The following ZNF799 variants were observed in gnomAD, a reference collection of about 807,000 sequenced individuals.
The protein encoded by ZNF799 is zinc finger protein 14.
ZNF799 carries 28 observed loss-of-function variants against 41.0 expected under a neutral mutation model. That is an observed-to-expected ratio of 0.68 (90% confidence interval 0.51 to 0.94). ZNF799 has a LOEUF of 0.94. Among genes scored for constraint, ZNF799 ranks in the 40% least tolerant of loss-of-function variants. ZNF799 has a pLI of 0.00. For missense variants in ZNF799, 716 were observed against 764.3 expected (o/e 0.94, Z 0.74); for synonymous variants, 213 against 252.9 (o/e 0.84, Z 1.50).
At chr19:12,398,988 T>C (rs1969940310) in intron 1 of ZNF799, among the ~76,000 whole-genome samples, 1 of 152,258 alleles carries the variant, frequency 6.6e-6, no homozygotes, top group Non-Finnish European at 1.5e-5. Flanking sequence ...GAATTACTTA[T>C]ACAATTTATT....
intron 1 of ZNF799, among the ~76,000 whole-genome samples, chr19:12,395,478 G>A (rs1969881621): frequency 6.6e-6 from 1 of 152,156 alleles, no homozygotes; most frequent in East Asian, 1.9e-4. Flanking sequence ...AATACAACAC[G>A]ATCAGGGTCC....
rs1318561758 is a variant in ZNF799, at chr19:12,392,005, A to C, written c.393T>G (p.Tyr131Ter). 4 of 1,614,192 alleles carry C rather than the reference A, an allele frequency of 2.5e-6. No individual in the cohort carries two copies. The South Asian group carries it at 4.4e-5, about 18-fold the overall frequency. ...YIRVGAGHKP[Y>*]EYHECGEKPD... The stretch of plus-strand genomic sequence containing the variant: ...GCTTCTCTCCACATTCATGATACTC[A>C]TATGGTTTGTGCCCAGCACCAACTC... Residue 131 changes from tyrosine to a stop codon, truncating the protein, a stop_gained, in exon 4 of 4, where the codon TAT becomes TAG. Transcript: ENST00000430385. LOFTEE classifies it low-confidence loss of function (END_TRUNC).
In ZNF799 at chr19:12,391,566, T is replaced by C. The variant is rs751268288; in HGVS notation, c.832A>G (p.Lys278Glu). The C allele has an allele frequency of 1.3e-5, 21 of 1,614,024 alleles. No homozygotes were observed. Among genetic ancestry groups the C allele is most frequent in the East Asian group, 6.7e-5 (3 of 44,868 alleles). Residue 278 changes from lysine (K) to glutamate (E), a missense_variant, in exon 4 of 4, where the codon AAG (lysine) becomes GAG (glutamate). By Grantham distance (56) the Lys-to-Glu change is moderately conservative. This residue lies in a region of ZNF799 where 698 missense variants were observed against 713.6 expected (regional missense o/e 0.98). Coordinates refer to ENST00000430385, the MANE Select transcript of ZNF799 (RefSeq NM_001080821.3). ...CATTGTTTACATGTATAGGGTTTCTTTCCAGTGTGAGTTCTTTCATGTCTT... is the reference window on the plus strand; with the variant it reads ...CATTGTTTACATGTATAGGGTTTCTCTCCAGTGTGAGTTCTTTCATGTCTT... ...CLRHERTHTG[K>E]KPYTCKQCGK...
upstream of ZNF799, among the ~76,000 whole-genome samples, chr19:12,404,705 G>C (rs1970018032): frequency 6.6e-6 from 1 of 152,260 alleles, no homozygotes; most frequent in Admixed American, 6.5e-5. Context: ...CTGAAACAAG[G>C]CTCTCTGTTC....
At chr19:12,405,684 T>G (rs1970024678), upstream of ZNF799, among the ~76,000 whole-genome samples, 1 of 152,214 alleles carries the variant, frequency 6.6e-6, no homozygotes. Flanking sequence ...CTACAGTCTC[T>G]GCAAACACAG....
chr19:12,414,534 G>C, the ZNF799 span, among the ~76,000 whole-genome samples: 9 of 152,184 alleles, frequency 5.9e-5, no homozygotes, highest in Non-Finnish European at 1.3e-4. Flanking sequence ...GGGAAGGCCT[G>C]ATATCCTCCA....
At chr19:12,413,161 C>G in the ZNF799 span, among the ~76,000 whole-genome samples, 1 of 151,868 alleles carries the variant, frequency 6.6e-6, no homozygotes, top group African/African-American at 2.4e-5. Flanking sequence ...CAAAAAGGAT[C>G]CTGATTCGTT....
At chr19:12,394,883 C>A (rs956929336) in intron 1 of ZNF799, 123 of 983,802 alleles carry the variant, frequency 1.3e-4, no homozygotes, top group Non-Finnish European at 1.4e-4. Flanking sequence ...TATTTGGCAC[C>A]CCGTACTATT....
At position 12,400,865 on chromosome 19, in the gene ZNF799, C is replaced by G. The variant is rs1479619669; in HGVS notation, c.3+203G>C. Reference sequence around the variant, plus strand: ...GAGAGGGCGCCGGGGCCGCAGTCGCCGCGCAGGAACGGGACAGGACGCCCG... The same window carrying G: ...GAGAGGGCGCCGGGGCCGCAGTCGCGGCGCAGGAACGGGACAGGACGCCCG... On this transcript the variant is annotated intron_variant, in intron 1 of 3. Coordinates refer to ENST00000430385, the MANE Select transcript of ZNF799 (RefSeq NM_001080821.3). The G allele has an allele frequency of 3.5e-6, 3 of 859,902 alleles. No homozygotes were observed. The African/African-American group carries it at 5.2e-5, about 15-fold the overall frequency. 53.3% of individuals were successfully genotyped at this position (859,902 alleles called of 1,614,324 possible). A position where few individuals can be genotyped will look rare whatever the true frequency, so the allele number is the denominator to read the frequency against.
upstream of ZNF799, among the ~76,000 whole-genome samples, chr19:12,402,887 A>G (rs564000427): frequency 7.6e-4 from 115 of 152,230 alleles, no homozygotes; most frequent in Non-Finnish European, 1.3e-3. Flanking sequence ...ACACTGGCCT[A>G]TAGTTTTCTT....
At chr19:12,402,453 G>T, upstream of ZNF799, among the ~76,000 whole-genome samples, 1 of 140,370 alleles carries the variant, frequency 7.1e-6, no homozygotes, top group African/African-American at 2.7e-5. Flanking sequence ...GCTCTAGCTG[G>T]GACTTCGAGT....
upstream of ZNF799, among the ~76,000 whole-genome samples, chr19:12,404,202 G>A (rs1013959777): frequency 4.6e-5 from 7 of 151,960 alleles, no homozygotes; most frequent in African/African-American, 7.3e-5. Context: ...GCATGTGCTC[G>A]GGAAAAATAT....
At chr19:12,408,027 C>A in the ZNF799 span, among the ~76,000 whole-genome samples, 22 of 152,000 alleles carry the variant, frequency 1.4e-4, no homozygotes, top group Admixed American at 1.4e-3. Context: ...CATGGTGGCA[C>A]AAACTGTAGT....
the ZNF799 span, among the ~76,000 whole-genome samples, chr19:12,411,034 A>G: frequency 0.33 from 50,680 of 152,102 alleles, 9,009 homozygotes; most frequent in South Asian, 0.51. Context: ...ATCTCTTCTG[A>G]AAAAGAGAAG....
chr19:12,414,241 T>C, the ZNF799 span, among the ~76,000 whole-genome samples: 1 of 152,096 alleles, frequency 6.6e-6, no homozygotes, highest in African/African-American at 2.4e-5. Context: ...GAAGAAGGTA[T>C]CTCTTGGTGC....
chr19:12,391,413 C>T lies in ZNF799; in HGVS notation c.985G>A (p.Val329Ile), dbSNP rs868624820. 11 of 1,613,860 alleles carry T rather than the reference C, an allele frequency of 6.8e-6. No homozygotes were observed. The African/African-American group carries it at 8.0e-5, about 12-fold the overall frequency. ...HHLGSFQRHM[V>I]MHTRDGPHKC... ...TGAGGTCCATCTCTCGTGTGCATTA[C>T]CATGTGTCTTTGAAAGCTTCCCAGA... Residue 329 changes from valine to isoleucine, a missense_variant, in exon 4 of 4, where the codon GTA becomes ATA. Physicochemically the swap from Val to Ile is conservative, Grantham distance 29 (BLOSUM62 3). This residue lies in a region of ZNF799 where 698 missense variants were observed against 713.6 expected (regional missense o/e 0.98). Coordinates refer to ENST00000430385, the MANE Select transcript of ZNF799 (RefSeq NM_001080821.3).
At chr19:12,410,791 G>A in the ZNF799 span, among the ~76,000 whole-genome samples, 2 of 152,066 alleles carry the variant, frequency 1.3e-5, no homozygotes, top group Admixed American at 1.3e-4. Context: ...GGACTATTCA[G>A]AGCAATTGCA....
upstream of ZNF799, among the ~76,000 whole-genome samples, chr19:12,404,262 C>A (rs1970015729): frequency 6.6e-6 from 1 of 152,010 alleles, no homozygotes; most frequent in African/African-American, 2.4e-5. Context: ...TCTATTAGAT[C>A]CATTTGATCT....
rs1432302886 is a variant in ZNF799 at position 12,392,116 on chromosome 19, C to G, written c.282G>C (p.Lys94Asn). 22 of 1,614,022 alleles carry G rather than the reference C, an allele frequency of 1.4e-5. No homozygotes were observed. Among genetic ancestry groups the G allele is most frequent in the Non-Finnish European group, 1.6e-5 (19 of 1,179,990 alleles). ...SSQIQDSIVT[K>N]NTLPGVGPYE... is the part of the protein sequence containing the mutation. ...ATGGACCTACTCCAGGAAGAGTGTT[C>G]TTGGTCACAATACTATCTTGAATCT... Residue 94 changes from lysine (K) to asparagine (N), a missense_variant, in exon 4 of 4, where the codon AAG (lysine) becomes AAC (asparagine). Physicochemically the swap from Lys to Asn is moderately conservative, Grantham distance 94 (BLOSUM62 0). Coordinates refer to ENST00000430385, the MANE Select transcript of ZNF799 (RefSeq NM_001080821.3).
Sources: gnomAD v4.1 joint callset for allele counts (sites outside exome capture counted in the v4.1 genomes callset) on GRCh38, gnomAD v4.1.1 for gene constraint, gnomAD v4.1.1 regional missense constraint, MANE v1.5 for transcripts, NCBI Gene and HGNC (gene_info 2026-07-23, HGNC 2026-07-21) for gene names.